Variants in SMYD1 observed in about 807,000 individuals in gnomAD.
The protein encoded by SMYD1 is SET and MYND domain containing 1.
In SMYD1, 49 loss-of-function variants were observed where a neutral mutation model predicts 54.0. That is an observed-to-expected ratio of 0.91 (90% CI 0.72 to 1.15). The LOEUF (loss-of-function observed/expected upper bound fraction) is 1.15, where lower values mean the gene tolerates loss of function less well. SMYD1 is among the 50% of genes most tolerant of loss of function. SMYD1 has a pLI of 0.00. For missense variants in SMYD1, 653 were observed against 639.6 expected, an observed-to-expected ratio of 1.02 and a Z score of -0.23; for synonymous variants, 269 against 234.2, an observed-to-expected ratio of 1.15 and a Z score of -1.36.
chr2:88,081,617 G>A (rs768431909), intron 1 of SMYD1, among the ~76,000 whole-genome samples: 1 of 151,884 alleles, frequency 6.6e-6, no homozygotes, highest in Non-Finnish European at 1.5e-5. Flanking sequence ...TGTATTTTTA[G>A]TAGAGACAGG....
At chr2:88,096,527 T>C in intron 5 of SMYD1, 68 bp from the exon 6 acceptor site, 4 of 1,395,094 alleles carry the variant, frequency 2.9e-6, no homozygotes, top group Non-Finnish European at 9.9e-7. Flanking sequence ...CCATGAAGCC[T>C]TGGAGAGCAC....
chr2:88,075,910 G>A (rs1029502451), intron 1 of SMYD1, among the ~76,000 whole-genome samples: 7 of 152,006 alleles, frequency 4.6e-5, no homozygotes, highest in African/African-American at 9.7e-5. Flanking sequence ...CTCATCCAAC[G>A]GCTAACTCTG....
rs1453446290 is a variant in SMYD1, at chr2:88,112,142, A to G, written c.*1630A>G. On this transcript the variant is annotated 3_prime_UTR_variant, in exon 10 of 10. Coordinates refer to ENST00000419482, the MANE Select transcript of SMYD1 (RefSeq NM_198274.4). ...TGATAGTCTTTCAAGCCCCCACATC[A>G]CAGGCTTAGGGACGGCACTAACTTT... is the stretch of plus-strand genomic sequence containing the variant. 4 of 703,426 alleles carry G rather than the reference A, an allele frequency of 5.7e-6. No individual in the cohort carries two copies. The highest frequency in any genetic ancestry group is 1.0e-5 in the Non-Finnish European group (4 of 385,092). 43.6% of individuals were successfully genotyped at this position (703,426 alleles called of 1,614,324 possible). A position where few individuals can be genotyped will look rare whatever the true frequency, so the allele number is the denominator to read the frequency against.
At position 88,112,286 on chromosome 2, in the gene SMYD1, C is replaced by A; in HGVS notation, c.*1774C>A. On this transcript the variant is annotated 3_prime_UTR_variant, in exon 10 of 10. Coordinates refer to ENST00000419482, the MANE Select transcript of SMYD1 (RefSeq NM_198274.4). ...TATCTGCTAAGCCCCTGGTCATTTCCCCATATTCGTAGTCTTTTTTTCCAT... is the reference window on the plus strand; with the variant it reads ...TATCTGCTAAGCCCCTGGTCATTTCACCATATTCGTAGTCTTTTTTTCCAT... 1.6e-6 allele frequency: 1 copy of A among 626,790 alleles called. No individual in the cohort carries two copies. 38.8% of individuals were successfully genotyped at this position (626,790 alleles called of 1,614,324 possible).
At chr2:88,071,549 A>G (rs1295127399) in intron 1 of SMYD1, among the ~76,000 whole-genome samples, 1 of 152,240 alleles carries the variant, frequency 6.6e-6, no homozygotes, top group Non-Finnish European at 1.5e-5. Context: ...AGTGCTAGGC[A>G]TGACTAATCA....
intron 5 of SMYD1, among the ~76,000 whole-genome samples, chr2:88,095,274 G>A (rs747925831): frequency 2.9e-4 from 44 of 152,200 alleles, no homozygotes; most frequent in Non-Finnish European, 4.6e-4. Flanking sequence ...ACAAAGGAAA[G>A]GAGGGACAAA....
At chr2:88,089,871 C>T (rs534217058) in intron 3 of SMYD1, among the ~76,000 whole-genome samples, 3 of 152,000 alleles carry the variant, frequency 2.0e-5, no homozygotes, top group Non-Finnish European at 1.5e-5. Flanking sequence ...GGATTACAGG[C>T]GTAAGCCACC....
At position 88,106,370 on chromosome 2, in the gene SMYD1, T is replaced by A; in HGVS notation, c.1027T>A (p.Phe343Ile). ...GTGCCTGGAGAAGCAGGAGCCAGTG[T>A]TTGCTGACACCAACATCTACATGCT... Reference protein sequence around the residue: ...RECLEKQEPVFADTNIYMLRM... With the variant: ...RECLEKQEPVIADTNIYMLRM... Residue 343 changes from phenylalanine to isoleucine, a missense_variant, in exon 8 of 10, where the codon TTT becomes ATT. Physicochemically the swap from Phe to Ile is conservative, Grantham distance 21. Coordinates refer to ENST00000419482, the MANE Select transcript of SMYD1 (RefSeq NM_198274.4). The A allele has an allele frequency of 6.2e-7, 1 of 1,614,146 alleles. No individual in the cohort carries two copies. Among genetic ancestry groups the A allele is most frequent in the Non-Finnish European group, 8.5e-7 (1 of 1,180,038 alleles).
chr2:88,078,095 C>G (rs1376899217), intron 1 of SMYD1, among the ~76,000 whole-genome samples: 2 of 152,154 alleles, frequency 1.3e-5, no homozygotes, highest in East Asian at 3.9e-4. Flanking sequence ...GGCTGTCTTC[C>G]TCTCTGGCAG....
intron 4 of SMYD1, among the ~76,000 whole-genome samples, chr2:88,091,821 G>A (rs1674468740): frequency 6.6e-6 from 1 of 152,176 alleles, no homozygotes; most frequent in Admixed American, 6.5e-5. Context: ...CTATAATCAT[G>A]CCACTGCACT....
intron 7 of SMYD1, among the ~76,000 whole-genome samples, chr2:88,104,123 C>A (rs1037642339): frequency 2.6e-5 from 4 of 152,182 alleles, no homozygotes; most frequent in East Asian, 3.9e-4. Flanking sequence ...CCCGCCACCA[C>A]GCCTGGCTAA....
At chr2:88,094,625 T>A (rs1674536274) in intron 5 of SMYD1, among the ~76,000 whole-genome samples, 1 of 152,246 alleles carries the variant, frequency 6.6e-6, no homozygotes, top group African/African-American at 2.4e-5. Flanking sequence ...TCTTTTCATA[T>A]TTAAGTGACA....
chr2:88,110,510 T>C lies in SMYD1; in HGVS notation c.1471T>C (p.Ter491ArgextTer14), dbSNP rs371260463. ...PSPALFHKKQ* is the reference protein window; with the variant it reads ...PSPALFHKKQR ...CCCAGCTCTGTTCCACAAGAAGCAATGAGGACTGCCCAGTGGAGGAGGGGC... is the reference window on the plus strand; with the variant it reads ...CCCAGCTCTGTTCCACAAGAAGCAACGAGGACTGCCCAGTGGAGGAGGGGC... The change falls in exon 10 of 10, where the codon TGA (stop) becomes CGA (arginine). Residue 491 changes from the stop codon to arginine (R), a stop_lost. Transcript: ENST00000419482. The C allele has an allele frequency of 6.3e-7, 1 of 1,575,378 alleles. No homozygotes were observed. Among genetic ancestry groups the C allele is most frequent in the Non-Finnish European group, 8.6e-7 (1 of 1,159,482 alleles).
chr2:88,074,637 A>C (rs1674020303), intron 1 of SMYD1, among the ~76,000 whole-genome samples: 1 of 152,240 alleles, frequency 6.6e-6, no homozygotes, highest in Admixed American at 6.5e-5. Flanking sequence ...AAGAAGGAGC[A>C]AGGACAGTTA....
chr2:88,111,980 A>G lies in SMYD1; in HGVS notation c.*1468A>G, dbSNP rs1573127359. The G allele has an allele frequency of 1.4e-6, 1 of 689,662 alleles. No individual in the cohort carries two copies. The highest frequency in any genetic ancestry group is 1.5e-5 in the South Asian group (1 of 65,696). 42.7% of individuals were successfully genotyped at this position (689,662 alleles called of 1,614,324 possible). ...TTAGCTTCTCCATCCTCACCACATG[A>G]TGACCTGCTGTGTCCCTCTGAGCAC... On this transcript the variant is annotated 3_prime_UTR_variant, in exon 10 of 10. Coordinates refer to ENST00000419482, the MANE Select transcript of SMYD1 (RefSeq NM_198274.4).
rs747386324 is a variant in SMYD1 at position 88,067,963 on chromosome 2, C to T, written c.99C>T (p.Ile33=). ...AGGAGTTCTGGGCTGCAGATATCATCTTTGCTGAGCGGGCTTATTCCGCAG... is the reference window on the plus strand; with the variant it reads ...AGGAGTTCTGGGCTGCAGATATCATTTTTGCTGAGCGGGCTTATTCCGCAG... ...ATKEFWAADI[I]FAERAYSAVV... Residue 33 remains isoleucine, a synonymous_variant, in exon 1 of 10, where the codon ATC becomes ATT. Coordinates refer to ENST00000419482, the MANE Select transcript of SMYD1 (RefSeq NM_198274.4). 4 of 1,613,854 alleles carry T rather than the reference C, an allele frequency of 2.5e-6. No homozygotes were observed. The highest frequency in any genetic ancestry group is 1.7e-4 in the Middle Eastern group (1 of 5,806).
chr2:88,090,839 G>T (rs1260472846), intron 3 of SMYD1, among the ~76,000 whole-genome samples, 173 bp from the exon 4 acceptor site: 1 of 152,208 alleles, frequency 6.6e-6, no homozygotes, highest in Non-Finnish European at 1.5e-5. Flanking sequence ...CCCTAATCTT[G>T]TGTGTCATCT....
intron 5 of SMYD1, 81 bp downstream of exon 5, chr2:88,093,636 G>A (rs1007559874): frequency 1.0e-5 from 15 of 1,493,872 alleles, no homozygotes; most frequent in South Asian, 2.3e-5. Context: ...ACCCATTCCC[G>A]AGACTTCTTG....
At position 88,095,198 on chromosome 2, in the gene SMYD1, G is replaced by A. The variant is rs146558852; in HGVS notation, c.699-1397G>A. On this transcript the variant is annotated intron_variant, in intron 5 of 9. Transcript: ENST00000419482. Reference sequence around the variant, plus strand: ...AGCAGAACTGTGAGCAGAATCACCCGGCCTTCCTCTCCTACTGGCCATTCA... The same window carrying A: ...AGCAGAACTGTGAGCAGAATCACCCAGCCTTCCTCTCCTACTGGCCATTCA... Among the ~76,000 whole-genome samples, 235 of 152,236 alleles carry A rather than the reference G, an allele frequency of 1.5e-3. 1 individual carries two copies. The highest frequency in any genetic ancestry group is 5.4e-3 in the African/African-American group (223 of 41,536).
Sources: allele counts gnomAD v4.1 joint callset (sites outside exome capture counted in the v4.1 genomes callset), GRCh38; gene constraint gnomAD v4.1.1; transcripts MANE v1.5; gene names NCBI Gene and HGNC (gene_info 2026-07-23, HGNC 2026-07-21).